The following AMOTL1 variants were observed in gnomAD, a reference collection of about 807,000 sequenced individuals.
AMOTL1 encodes angiomotin like 1, also known as angiomotin-like protein 1.
In AMOTL1, 45 loss-of-function variants were observed where a neutral mutation model predicts 102.9. That is an observed-to-expected ratio of 0.44 (90% CI 0.34 to 0.56). The LOEUF is 0.56. Ranked by LOEUF, AMOTL1 falls within the 20% of genes least tolerant of loss-of-function variation. The pLI is 0.01. For synonymous variants in AMOTL1, 481 were observed against 484.7 expected (o/e 0.99, Z 0.10); for missense variants, 1,114 against 1,225.6 (o/e 0.91, Z 1.36).
At chr11:94,835,648 G>T (rs115128078) in intron 6 of AMOTL1, among the ~76,000 whole-genome samples, 2,013 of 152,218 alleles carry the variant, frequency 0.013, 46 homozygotes, top group African/African-American at 0.046. Context: ...GCATGTTTGC[G>T]TTATTTTGGG....
chr11:94,809,636 G>C (rs143522082), intron 3 of AMOTL1, among the ~76,000 whole-genome samples: 1 of 152,208 alleles, frequency 6.6e-6, no homozygotes, highest in East Asian at 1.9e-4. Context: ...TGATAACAGA[G>C]GCTAACGATT....
Position 94,799,798 on chromosome 11 carries a change from G to T in AMOTL1, c.608G>T (p.Gly203Val). 1 of 1,600,628 alleles carries T rather than the reference G, an allele frequency of 6.2e-7. No individual in the cohort carries two copies. The highest frequency in any genetic ancestry group is 8.5e-7 in the Non-Finnish European group (1 of 1,172,600). ...EAKAQSQFFR[G>V]QQQQQQQQGA... ...AAAGCACAGTCGCAGTTCTTCAGGG[G>T]GCAGCAGCAGCAGCAACAGCAGCAG... The change falls in exon 3 of 13, where the codon GGG (glycine) becomes GTG (valine). Residue 203 changes from glycine (G) to valine (V), a missense_variant. Coordinates refer to ENST00000433060, the MANE Select transcript of AMOTL1 (RefSeq NM_130847.3). The surrounding 1 kb of genome is among the most constrained non-coding windows in gnomAD (Gnocchi z 4.5).
At chr11:94,868,149 A>T (rs1342231799) in intron 11 of AMOTL1, among the ~76,000 whole-genome samples, 2 of 152,230 alleles carry the variant, frequency 1.3e-5, no homozygotes. Context: ...TAGCCAAGTC[A>T]TTGTTATGCA....
At chr11:94,800,342 C>T in intron 3 of AMOTL1, 31 bp downstream of exon 3, 2 of 1,534,264 alleles carry the variant, frequency 1.3e-6, no homozygotes, top group South Asian at 2.5e-5. Context: ...TTTCGTGCGG[C>T]TTTTCAAAAT....
chr11:94,769,863 G>T (rs1308893878), intron 1 of AMOTL1, among the ~76,000 whole-genome samples: 1 of 152,132 alleles, frequency 6.6e-6, no homozygotes, highest in African/African-American at 2.4e-5. Context: ...AGGCCTTGGT[G>T]GTGGTGGGGT....
intron 1 of AMOTL1, among the ~76,000 whole-genome samples, chr11:94,712,214 CA>C: frequency 6.6e-6 from 1 of 152,086 alleles, no homozygotes; most frequent in East Asian, 1.9e-4. Context: ...ACCATCTTTT[CA>C]TGTTATCATC....
Position 94,834,785 on chromosome 11 carries a change from C to T in AMOTL1, c.1648+3244C>T, listed in dbSNP as rs1032398017. ...TCTAAGAACACCCAAACAACTCTTG[C>T]AGTTCAAGCAGCAGGTGGGACTTGA... On this transcript the variant is annotated intron_variant, in intron 6 of 12. Coordinates refer to ENST00000433060, the MANE Select transcript of AMOTL1 (RefSeq NM_130847.3). Among the ~76,000 whole-genome samples, 11 of 152,222 alleles carry T rather than the reference C, an allele frequency of 7.2e-5. 1 individual carries two copies. The East Asian group carries it at 1.9e-3, about 27-fold the overall frequency.
At chr11:94,778,389 T>G (rs1374808802) in intron 1 of AMOTL1, among the ~76,000 whole-genome samples, 1 of 152,182 alleles carries the variant, frequency 6.6e-6, no homozygotes, top group African/African-American at 2.4e-5. Context: ...TTTCAGTAAT[T>G]ATCTATGGAG....
chr11:94,869,107 CATCA>C (rs1952940697), intron 11 of AMOTL1, 87 bp from the exon 12 acceptor site: 1 of 1,359,272 alleles, frequency 7.4e-7, no homozygotes, highest in Non-Finnish European at 9.7e-7. Flanking sequence ...ATGAAGCAAT[CATCA>C]ATCAACAAGG....
intron 2 of AMOTL1, among the ~76,000 whole-genome samples, chr11:94,734,639 G>T (rs562688506): frequency 3.5e-4 from 53 of 152,274 alleles, no homozygotes; most frequent in African/African-American, 1.3e-3. Flanking sequence ...CTCTAAATCA[G>T]TCCTGCCCAT....
In AMOTL1 at chr11:94,875,558, T is replaced by G. The variant is rs1174101117; in HGVS notation, c.*4763T>G. On this transcript the variant is annotated 3_prime_UTR_variant, in exon 13 of 13. Coordinates refer to ENST00000433060, the MANE Select transcript of AMOTL1 (RefSeq NM_130847.3). ...CCAAGTAAAAATATCTTGGGAACTC[T>G]TCTACTAGAATGGCCTTCAGGGCTT... 6.6e-6 allele frequency: 1 copy of G among 152,242 alleles called. No homozygotes were observed. Among genetic ancestry groups the G allele is most frequent in the African/African-American group, 2.4e-5 (1 of 41,468 alleles). The allele number at this position is 152,242 out of a possible 1,614,324, so 9.4% of individuals were successfully genotyped here.
rs1952312338 is a variant in AMOTL1 at position 94,841,989 on chromosome 11, G to A, written c.1649-8125G>A. Reference sequence around the variant, plus strand: ...AACTCACTGCGGGTTCTGGATAAGAGCAATAGATAAATTATATAAAATAAC... The same window carrying A: ...AACTCACTGCGGGTTCTGGATAAGAACAATAGATAAATTATATAAAATAAC... On this transcript the variant is annotated intron_variant, in intron 6 of 12. Coordinates refer to ENST00000433060, the MANE Select transcript of AMOTL1 (RefSeq NM_130847.3). Among the ~76,000 whole-genome samples, 3 of 152,168 alleles carry A rather than the reference G, an allele frequency of 2.0e-5. No individual in the cohort carries two copies. The South Asian group carries it at 6.2e-4, about 32-fold the overall frequency.
At chr11:94,759,784 A>G (rs1950769837) in intron 3 of AMOTL1, among the ~76,000 whole-genome samples, 1 of 152,212 alleles carries the variant, frequency 6.6e-6, no homozygotes, top group South Asian at 2.1e-4. Flanking sequence ...GACACTCCAT[A>G]TGTGCCAGTT....
At position 94,795,125 on chromosome 11, in the gene AMOTL1, C is replaced by G. The variant is rs202120027; in HGVS notation, c.164C>G (p.Thr55Arg). 7 of 1,613,834 alleles carry G rather than the reference C, an allele frequency of 4.3e-6. No homozygotes were observed. Among genetic ancestry groups the G allele is most frequent in the Non-Finnish European group, 5.9e-6 (7 of 1,179,838 alleles). The change falls in exon 2 of 13, where the codon ACG becomes AGG. Residue 55 changes from threonine to arginine, a missense_variant. Transcript: ENST00000433060. Reference protein sequence around the residue: ...YSGRHETSALTVEATSSIREK... With the variant: ...YSGRHETSALRVEATSSIREK... ...GGGAGGCATGAAACATCTGCTTTGA[C>G]GGTGGAGGCAACCAGTAGCATCAGG...
chr11:94,774,108 C>T (rs923288042), intron 1 of AMOTL1, among the ~76,000 whole-genome samples: 1 of 152,186 alleles, frequency 6.6e-6, no homozygotes. Context: ...ATTATTATTA[C>T]TAAAACAGCA....
At chr11:94,708,161 C>G (rs564197020) in intron 1 of AMOTL1, among the ~76,000 whole-genome samples, 25 of 152,316 alleles carry the variant, frequency 1.6e-4, no homozygotes, top group South Asian at 2.1e-4. Context: ...GCTCGTCCCC[C>G]CTGCTACCAG....
chr11:94,839,111 A>G (rs1482973783), intron 6 of AMOTL1, among the ~76,000 whole-genome samples: 1 of 152,238 alleles, frequency 6.6e-6, no homozygotes, highest in African/African-American at 2.4e-5. Flanking sequence ...GTAACCAGCC[A>G]TCTGATGGCC....
chr11:94,826,860 C>T (rs1256375980), intron 4 of AMOTL1, among the ~76,000 whole-genome samples: 1 of 152,166 alleles, frequency 6.6e-6, no homozygotes, highest in Non-Finnish European at 1.5e-5. Flanking sequence ...ATAGGAATTA[C>T]CTTGTTCTGA....
intron 2 of AMOTL1, among the ~76,000 whole-genome samples, chr11:94,733,562 C>T (rs1011098089): frequency 6.6e-6 from 1 of 152,190 alleles, no homozygotes; most frequent in African/African-American, 2.4e-5. Context: ...TCTGTGTGGT[C>T]CAAGAAGACT....
Sources: gnomAD v4.1 joint callset for allele counts (sites outside exome capture counted in the v4.1 genomes callset) on GRCh38, gnomAD v4.1.1 for gene constraint, Gnocchi (gnomAD v3.1) non-coding constraint, MANE v1.5 for transcripts, NCBI Gene and HGNC (gene_info 2026-07-23, HGNC 2026-07-21) for gene names.